ADAP2: variants seen among roughly 807,000 people sequenced by gnomAD.
The protein encoded by ADAP2 is ArfGAP with dual PH domains 2.
A neutral mutation model predicts 54.9 loss-of-function variants in ADAP2; 42 were observed. The observed-to-expected ratio is 0.77, with a 90% CI of 0.60 to 0.99. ADAP2 has a LOEUF of 0.99. ADAP2 is among the 50% of genes least tolerant of loss of function. The pLI, the probability that ADAP2 is intolerant of heterozygous loss-of-function variation, is 0.00. For synonymous variants in ADAP2, 177 were observed against 180.1 expected, an observed-to-expected ratio of 0.98 and a Z score of 0.14; for missense variants, 429 against 480.4, an observed-to-expected ratio of 0.89 and a Z score of 1.00.
At chr17:30,934,460 C>T (rs1911726806) in intron 5 of ADAP2, among the ~76,000 whole-genome samples, 163 bp downstream of exon 5, 1 of 152,138 alleles carries the variant, frequency 6.6e-6, no homozygotes, top group African/African-American at 2.4e-5. Context: ...TAAATCCAGT[C>T]CACCAAAAAT....
Position 30,922,953 on chromosome 17 carries a change from C to T in ADAP2, c.108C>T (p.Ala36=), listed in dbSNP as rs750156060. Residue 36 remains alanine (A), a synonymous_variant, in exon 2 of 11, where the codon GCC becomes GCT. Coordinates refer to ENST00000330889, the MANE Select transcript of ADAP2 (RefSeq NM_018404.3). ...CATCCCCTGCAGATCCCGACTGGGCCTCTTACAAGCTGGGGATCTTCATCT... is the reference window on the plus strand; with the variant it reads ...CATCCCCTGCAGATCCCGACTGGGCTTCTTACAAGCTGGGGATCTTCATCT... ...ADCGAADPDW[A]SYKLGIFICL... The T allele has an allele frequency of 6.2e-7, 1 of 1,613,900 alleles. No homozygotes were observed. The highest frequency in any genetic ancestry group is 1.7e-5 in the Admixed American group (1 of 59,998).
chr17:30,952,691 C>G (rs573978660), intron 7 of ADAP2, among the ~76,000 whole-genome samples: 1 of 152,248 alleles, frequency 6.6e-6, no homozygotes, highest in South Asian at 2.1e-4. Flanking sequence ...CCATTATTTT[C>G]TTGTTGCTTG....
chr17:30,931,775 C>A, intron 3 of ADAP2, 114 bp from the exon 4 acceptor site: 1 of 685,100 alleles, frequency 1.5e-6, no homozygotes, highest in South Asian at 1.8e-5. Context: ...GAGCCGTGAT[C>A]ACGTGATCAC....
chr17:30,922,917 C>G lies in ADAP2; in HGVS notation c.95-23C>G, dbSNP rs370692296. 3.1e-6 allele frequency: 5 copies of G among 1,609,738 alleles called. No homozygotes were observed. The African/African-American group carries it at 6.7e-5, about 22-fold the overall frequency. On this transcript the variant is annotated intron_variant, in intron 1 of 10. Transcript: ENST00000330889. Reference sequence around the variant, plus strand: ...CTTCACCGCGCTTTCCGCTCAGCTCCTCTCCTGCCTCATCCCCTGCAGATC... The same window carrying G: ...CTTCACCGCGCTTTCCGCTCAGCTCGTCTCCTGCCTCATCCCCTGCAGATC...
chr17:30,927,380 G>A (rs947218896), intron 3 of ADAP2, among the ~76,000 whole-genome samples: 8 of 152,168 alleles, frequency 5.3e-5, no homozygotes, highest in Admixed American at 1.3e-4. Context: ...TTGGGAAGCC[G>A]AAGCGGGCAG....
At chr17:30,956,189 G>A (rs776739801) in intron 9 of ADAP2, 52 bp from the exon 10 acceptor site, 9 of 1,553,764 alleles carry the variant, frequency 5.8e-6, no homozygotes, top group Non-Finnish European at 8.0e-6. Context: ...GGGCTGCAGG[G>A]CCCCTCTGCC....
chr17:30,949,430 G>A (rs1904427597), intron 7 of ADAP2, 60 bp downstream of exon 7: 1 of 1,505,212 alleles, frequency 6.6e-7, no homozygotes, highest in East Asian at 2.3e-5. Flanking sequence ...TTCTTTCCCT[G>A]TCTGTTGACC....
rs764031082 is a variant in ADAP2, at chr17:30,954,469, C to T, written c.805-9C>T. On this transcript the variant is annotated splice_polypyrimidine_tract_variant and intron_variant, in intron 8 of 10. Coordinates refer to ENST00000330889, the MANE Select transcript of ADAP2 (RefSeq NM_018404.3). Reference sequence around the variant, plus strand: ...GGTCATCTGTGGTAAGAAGTTCCCTCTTTTGCAGCAGAAAGAACCTTTCAA... The same window carrying T: ...GGTCATCTGTGGTAAGAAGTTCCCTTTTTTGCAGCAGAAAGAACCTTTCAA... 3 of 1,613,926 alleles carry T rather than the reference C, an allele frequency of 1.9e-6. No homozygotes were observed. Among genetic ancestry groups the T allele is most frequent in the East Asian group, 2.2e-5 (1 of 44,884 alleles).
chr17:30,931,840 A>G (rs1911504448), intron 3 of ADAP2, 49 bp from the exon 4 acceptor site: 1 of 1,464,878 alleles, frequency 6.8e-7, no homozygotes, highest in Non-Finnish European at 9.4e-7. Flanking sequence ...AAAAAAAAAA[A>G]AAAAGAGAAT....
At position 30,953,214 on chromosome 17, in the gene ADAP2, C is replaced by A. The variant is rs985742018; in HGVS notation, c.742-74C>A. On this transcript the variant is annotated intron_variant, in intron 7 of 10. Coordinates refer to ENST00000330889, the MANE Select transcript of ADAP2 (RefSeq NM_018404.3). ...TCCCCATTTCAAACTTCCCCTTTGT[C>A]GGGAGCCAAGCTCGGCGGGAACCTG... 5 of 1,437,774 alleles carry A rather than the reference C, an allele frequency of 3.5e-6. No homozygotes were observed. The South Asian group carries it at 4.6e-5, about 13-fold the overall frequency. 89.1% of individuals were successfully genotyped at this position (1,437,774 alleles called of 1,614,324 possible). A position where few individuals can be genotyped will look rare whatever the true frequency, so the allele number is the denominator to read the frequency against.
chr17:30,922,164 C>A (rs1910660212), intron 1 of ADAP2, 56 bp downstream of exon 1: 1 of 1,164,282 alleles, frequency 8.6e-7, no homozygotes, highest in Non-Finnish European at 1.1e-6. Context: ...CCAGGCCCAC[C>A]CGACTCCTCC....
chr17:30,922,922 C>T lies in ADAP2; in HGVS notation c.95-18C>T. 1 of 1,612,598 alleles carries T rather than the reference C, an allele frequency of 6.2e-7. No homozygotes were observed. Among genetic ancestry groups the T allele is most frequent in the East Asian group, 2.2e-5 (1 of 44,806 alleles). ...CCGCGCTTTCCGCTCAGCTCCTCTC[C>T]TGCCTCATCCCCTGCAGATCCCGAC... On this transcript the variant is annotated intron_variant, in intron 1 of 10. Coordinates refer to ENST00000330889, the MANE Select transcript of ADAP2 (RefSeq NM_018404.3).
intron 7 of ADAP2, among the ~76,000 whole-genome samples, chr17:30,951,593 C>T (rs1052435712): frequency 9.2e-5 from 14 of 151,990 alleles, no homozygotes; most frequent in African/African-American, 3.4e-4. Context: ...ACCTCGGCCT[C>T]CCAAAGTGCT....
intron 3 of ADAP2, among the ~76,000 whole-genome samples, chr17:30,927,363 C>G (rs1911133510): frequency 6.6e-6 from 1 of 151,726 alleles, no homozygotes; most frequent in Non-Finnish European, 1.5e-5. Flanking sequence ...CCTGTAATCC[C>G]AGCACTTTGG....
At chr17:30,940,971 C>T (rs182289480) in intron 5 of ADAP2, among the ~76,000 whole-genome samples, 11 of 152,308 alleles carry the variant, frequency 7.2e-5, no homozygotes, top group East Asian at 3.9e-4. Flanking sequence ...TTCAACCTCT[C>T]GGTAGCCATT....
intron 5 of ADAP2, among the ~76,000 whole-genome samples, chr17:30,943,203 T>G (rs576035262): frequency 2.6e-5 from 4 of 152,120 alleles, no homozygotes; most frequent in Admixed American, 6.6e-5. Flanking sequence ...CTGTCTCTAC[T>G]AAAAATACAA....
At chr17:30,945,284 T>C (rs1435901020) in intron 6 of ADAP2, among the ~76,000 whole-genome samples, 1 of 152,158 alleles carries the variant, frequency 6.6e-6, no homozygotes, top group Non-Finnish European at 1.5e-5. Context: ...ATCTGGACAG[T>C]GCACAGCCAC....
intron 5 of ADAP2, among the ~76,000 whole-genome samples, chr17:30,939,433 GAAA>G (rs77911489): frequency 2.2e-5 from 2 of 90,706 alleles, no homozygotes; most frequent in African/African-American, 3.9e-5. Context: ...AAGTGAAACT[GAAA>G]AAAAAAAAAA....
At chr17:30,957,801 C>G in intron 10 of ADAP2, 34 bp from the exon 11 acceptor site, 1 of 1,611,714 alleles carries the variant, frequency 6.2e-7, no homozygotes, top group African/African-American at 1.3e-5. Context: ...ATTGGCATGG[C>G]CACCTCCCTC....
Sources: allele counts gnomAD v4.1 joint callset (sites outside exome capture counted in the v4.1 genomes callset), GRCh38; gene constraint gnomAD v4.1.1; transcripts MANE v1.5; gene names NCBI Gene and HGNC (gene_info 2026-07-23, HGNC 2026-07-21).